The following CCDC92B variants were observed in gnomAD, a reference collection of about 807,000 sequenced individuals.
The protein encoded by CCDC92B is coiled-coil domain-containing 92B.
A neutral mutation model predicts 5.6 loss-of-function variants in CCDC92B; 2 were observed. The observed-to-expected ratio is 0.36, with a 90% confidence interval of 0.15 to 1.12. CCDC92B has a LOEUF of 1.12. Ranked by LOEUF, CCDC92B falls within the 50% of genes most tolerant of loss-of-function variation. The pLI is 0.40. For synonymous variants in CCDC92B, 115 were observed against 122.3 expected (o/e 0.94, Z 0.39); for missense variants, 271 against 262.2 (o/e 1.03, Z -0.23).
Position 2,724,267 on chromosome 17 carries a change from AT to A in CCDC92B, c.*143del, listed in dbSNP as rs1008289165. The A allele has an allele frequency of 3.7e-5, 36 of 984,778 alleles. No homozygotes were observed. The highest frequency in any genetic ancestry group is 6.0e-6 in the Non-Finnish European group (5 of 829,776). 61.0% of individuals were successfully genotyped at this position (984,778 alleles called of 1,614,324 possible). ...AGTACAAAAGGCTGGCGGTTCGGGG[AT>A]TTGGGGGGAGCCGGGGCCGCCTCGC... On this transcript the variant is annotated 3_prime_UTR_variant, in exon 4 of 4. Coordinates refer to ENST00000614400, the MANE Select transcript of CCDC92B (RefSeq NM_001355573.2). The surrounding 1 kb of genome is among the most constrained non-coding windows in gnomAD (Gnocchi z 5.0).
intron 3 of CCDC92B, among the ~76,000 whole-genome samples, chr17:2,725,303 A>T (rs1474649200): frequency 6.6e-6 from 1 of 151,826 alleles, no homozygotes; most frequent in African/African-American, 2.4e-5. Context: ...GACTCGCTTG[A>T]ACCGGGGAGG....
Position 2,748,591 on chromosome 17 carries a change from G to T in CCDC92B, c.-24+820C>A, listed in dbSNP as rs2071016596. On this transcript the variant is annotated intron_variant, in intron 1 of 3. Transcript: ENST00000614400. ...TGTACTAAGCCATACGCTTCCTGAG[G>T]GCAAGGCTTTGTCTCTGGGAATCTC... is the stretch of plus-strand genomic sequence containing the variant. 6.1e-6 allele frequency: 6 copies of T among 984,864 alleles called. No individual in the cohort carries two copies. In the South Asian group the frequency reaches 2.8e-4, roughly 46 times the overall value. The allele number at this position is 984,864 out of a possible 1,614,324, so 61.0% of individuals were successfully genotyped here. A position where few individuals can be genotyped will look rare whatever the true frequency, so the allele number is the denominator to read the frequency against.
intron 1 of CCDC92B, among the ~76,000 whole-genome samples, chr17:2,742,968 T>G (rs1204008120): frequency 6.6e-6 from 1 of 152,178 alleles, no homozygotes; most frequent in African/African-American, 2.4e-5. Context: ...TTGCTCTACC[T>G]TCAAAAAACA....
intron 2 of CCDC92B, among the ~76,000 whole-genome samples, 162 bp downstream of exon 2, chr17:2,734,854 C>T (rs1365996602): frequency 1.3e-5 from 2 of 152,202 alleles, no homozygotes; most frequent in Non-Finnish European, 1.5e-5. Flanking sequence ...CTCTGTCCAT[C>T]TCACCTCCCC....
chr17:2,725,658 C>T (rs935304321), intron 3 of CCDC92B, among the ~76,000 whole-genome samples: 1 of 151,816 alleles, frequency 6.6e-6, no homozygotes, highest in Non-Finnish European at 1.5e-5. Flanking sequence ...CATAATAAAA[C>T]GGTCTCTGTG....
chr17:2,727,722 G>A (rs1260124041), intron 3 of CCDC92B, among the ~76,000 whole-genome samples: 2 of 152,016 alleles, frequency 1.3e-5, no homozygotes, highest in Non-Finnish European at 2.9e-5. Flanking sequence ...TACTTGGGAG[G>A]CTGAAGTAGG....
chr17:2,735,354 A>G (rs1171162060), intron 1 of CCDC92B, among the ~76,000 whole-genome samples, 186 bp from the exon 2 acceptor site: 1 of 152,258 alleles, frequency 6.6e-6, no homozygotes, highest in Non-Finnish European at 1.5e-5. Context: ...TTGGCAGGAA[A>G]GCATCATTAC....
At position 2,723,928 on chromosome 17, in the gene CCDC92B, G is replaced by A. The variant is rs1443358255; in HGVS notation, c.*483C>T. The A allele has an allele frequency of 2.8e-5, 28 of 984,094 alleles. No homozygotes were observed. Among genetic ancestry groups the A allele is most frequent in the African/African-American group, 7.0e-5 (4 of 57,148 alleles). The allele number at this position is 984,094 out of a possible 1,614,324, so 61.0% of individuals were successfully genotyped here. A position where few individuals can be genotyped will look rare whatever the true frequency, so the allele number is the denominator to read the frequency against. ...CCAGCCCCTAGCCTGGGCCTCTCCT[G>A]GGGAGGAAGAAGGCTTGGCGGGAAG... On this transcript the variant is annotated 3_prime_UTR_variant, in exon 4 of 4. Coordinates refer to ENST00000614400, the MANE Select transcript of CCDC92B (RefSeq NM_001355573.2).
At chr17:2,748,296 T>G in intron 1 of CCDC92B, 1 of 1,172,920 alleles carries the variant, frequency 8.5e-7, no homozygotes, top group Non-Finnish European at 1.1e-6. Context: ...TGCTCTGATG[T>G]GACTTTTACC....
At chr17:2,733,797 G>A (rs908504899) in intron 2 of CCDC92B, among the ~76,000 whole-genome samples, 50 of 100,028 alleles carry the variant, frequency 5.0e-4, no homozygotes, top group Non-Finnish European at 7.4e-4. Context: ...CACTCTTGTT[G>A]CCCAGGATGG....
At chr17:2,728,431 C>A (rs945407631) in intron 3 of CCDC92B, among the ~76,000 whole-genome samples, 1 of 151,674 alleles carries the variant, frequency 6.6e-6, no homozygotes, top group African/African-American at 2.4e-5. Context: ...CACGGTGAAA[C>A]CCGTCTCTAC....
chr17:2,734,905 C>T (rs1477402322), intron 2 of CCDC92B, 111 bp downstream of exon 2: 10 of 779,256 alleles, frequency 1.3e-5, no homozygotes, highest in Admixed American at 6.3e-5. Context: ...GCAGCAGAAT[C>T]GGTGCAGTGT....
chr17:2,728,534 C>T (rs996521280), intron 3 of CCDC92B, among the ~76,000 whole-genome samples: 6 of 150,586 alleles, frequency 4.0e-5, no homozygotes, highest in Non-Finnish European at 7.4e-5. Flanking sequence ...ACCCGGGAGG[C>T]AGAGCTTGCA....
At position 2,735,067 on chromosome 17, in the gene CCDC92B, G is replaced by A; in HGVS notation, c.79C>T (p.Leu27=). The A allele has an allele frequency of 1.0e-6, 1 of 985,572 alleles. No homozygotes were observed. Among genetic ancestry groups the A allele is most frequent in the Non-Finnish European group, 1.2e-6 (1 of 830,026 alleles). The allele number at this position is 985,572 out of a possible 1,614,324, so 61.1% of individuals were successfully genotyped here. The change falls in exon 2 of 4, where the codon CTG becomes TTG. Residue 27 remains leucine, a synonymous_variant. Coordinates refer to ENST00000614400, the MANE Select transcript of CCDC92B (RefSeq NM_001355573.2). ...ISFLKKEQMA[L]LRDLHLEILR... Reference sequence around the variant, plus strand: ...ATCTCCAGGTGCAGGTCTCGCAGCAGGGCCATCTGCTCCTTTTTCAGGAAG... The same window carrying A: ...ATCTCCAGGTGCAGGTCTCGCAGCAAGGCCATCTGCTCCTTTTTCAGGAAG...
At chr17:2,740,685 C>CA (rs201104578) in intron 1 of CCDC92B, among the ~76,000 whole-genome samples, 9 of 151,408 alleles carry the variant, frequency 5.9e-5, no homozygotes, top group Non-Finnish European at 1.2e-4. Context: ...AAACAAAAAA[C>CA]AAAAAAATAA....
At position 2,749,524 on chromosome 17, in the gene CCDC92B, C is replaced by G. The variant is rs2071029970; in HGVS notation, c.-137G>C. ...GCCCGGGGATCTGCAGCGCCCGCCCCGGCTGCGGCGCCATCAGCTGCTGGG... is the reference window on the plus strand; with the variant it reads ...GCCCGGGGATCTGCAGCGCCCGCCCGGGCTGCGGCGCCATCAGCTGCTGGG... On this transcript the variant is annotated 5_prime_UTR_variant, in exon 1 of 4. Transcript: ENST00000614400. The G allele has an allele frequency of 6.7e-6, 1 of 149,240 alleles. No individual in the cohort carries two copies. The highest frequency in any genetic ancestry group is 6.7e-5 in the Admixed American group (1 of 15,034). 9.2% of individuals were successfully genotyped at this position (149,240 alleles called of 1,614,324 possible). A position where few individuals can be genotyped will look rare whatever the true frequency, so the allele number is the denominator to read the frequency against.
In CCDC92B at chr17:2,735,093, C is replaced by T; in HGVS notation, c.53G>A (p.Ser18Asn). 2 of 985,580 alleles carry T rather than the reference C, an allele frequency of 2.0e-6. No homozygotes were observed. Among genetic ancestry groups the T allele is most frequent in the Non-Finnish European group, 2.4e-6 (2 of 830,020 alleles). The allele number at this position is 985,580 out of a possible 1,614,324, so 61.1% of individuals were successfully genotyped here. A position where few individuals can be genotyped will look rare whatever the true frequency, so the allele number is the denominator to read the frequency against. The change falls in exon 2 of 4, where the codon AGC (serine) becomes AAC (asparagine). Residue 18 changes from serine to asparagine, a missense_variant. Physicochemically the swap from Ser to Asn is conservative, Grantham distance 46. Transcript: ENST00000614400. ...HQIQSVQRHI[S>N]FLKKEQMALL... is the part of the protein sequence containing the mutation. The stretch of plus-strand genomic sequence containing the variant: ...GGCCATCTGCTCCTTTTTCAGGAAG[C>T]TGATGTGGCGTTGCACGCTCTGGAT...
In CCDC92B at chr17:2,749,577, C is replaced by T. The variant is rs1487462544; in HGVS notation, c.-190G>A. On this transcript the variant is annotated 5_prime_UTR_variant, in exon 1 of 4. Transcript: ENST00000614400. ...GCTGCGGGGCAGTCGGGCCGGGGCT[C>T]CGGGGGGCTCGGGGGCGCCGAAGGG... is the stretch of plus-strand genomic sequence containing the variant. The T allele has an allele frequency of 3.4e-5, 5 of 145,858 alleles. No homozygotes were observed. The East Asian group carries it at 6.1e-4, about 18-fold the overall frequency. The allele number at this position is 145,858 out of a possible 1,614,324, so 9.0% of individuals were successfully genotyped here. A position where few individuals can be genotyped will look rare whatever the true frequency, so the allele number is the denominator to read the frequency against.
chr17:2,734,259 C>T (rs2070833012), intron 2 of CCDC92B, among the ~76,000 whole-genome samples: 1 of 152,158 alleles, frequency 6.6e-6, no homozygotes, highest in Non-Finnish European at 1.5e-5. Flanking sequence ...GAAGCACCCC[C>T]TCCTCTGGGG....
Sources: allele counts gnomAD v4.1 joint callset (sites outside exome capture counted in the v4.1 genomes callset), GRCh38; gene constraint gnomAD v4.1.1; non-coding constraint Gnocchi (gnomAD v3.1); transcripts MANE v1.5; gene names NCBI Gene and HGNC (gene_info 2026-07-23, HGNC 2026-07-21).